PTPRD: variants seen among roughly 807,000 people sequenced by gnomAD.
PTPRD encodes the protein receptor-type tyrosine-protein phosphatase delta.
In PTPRD, 34 loss-of-function variants were observed where a neutral mutation model predicts 214.5. The ratio of observed to expected loss-of-function variants is 0.16; its 90% confidence interval spans 0.12 to 0.21. PTPRD has a LOEUF of 0.21. Among genes scored for constraint, PTPRD ranks in the 10% least tolerant of loss-of-function variants. The pLI, the probability that PTPRD is intolerant of heterozygous loss-of-function variation, is 1.00. For missense variants in PTPRD, 2,545 were observed against 2,398.7 expected, an observed-to-expected ratio of 1.06 and a Z score of -1.27; for synonymous variants, 1,128 against 845.7, an observed-to-expected ratio of 1.33 and a Z score of -5.79.
intron 8 of PTPRD, among the ~76,000 whole-genome samples, chr9:9,481,821 T>C (rs1256710227): frequency 6.6e-6 from 1 of 152,164 alleles, no homozygotes; most frequent in African/African-American, 2.4e-5. Context: ...GCTCCATACC[T>C]GAAACCTGGT....
At chr9:10,385,617 A>G in intron 2 of PTPRD, among the ~76,000 whole-genome samples, 1 of 151,800 alleles carries the variant, frequency 6.6e-6, no homozygotes, top group East Asian at 2.0e-4. Flanking sequence ...CCTGACTTCC[A>G]CTTAACAGCT....
intron 8 of PTPRD, among the ~76,000 whole-genome samples, chr9:9,521,559 C>G (rs912059721): frequency 5.3e-5 from 8 of 152,116 alleles, no homozygotes; most frequent in African/African-American, 1.9e-4. Flanking sequence ...TGCACTTTCT[C>G]TAAAAGCAAG....
At chr9:9,015,796 C>A (rs2099532360) in intron 11 of PTPRD, among the ~76,000 whole-genome samples, 1 of 152,088 alleles carries the variant, frequency 6.6e-6, no homozygotes, top group African/African-American at 2.4e-5. Flanking sequence ...GTTCAATGTA[C>A]ATTTGGATAT....
At chr9:10,316,591 C>G (rs2096439303) in intron 3 of PTPRD, among the ~76,000 whole-genome samples, 1 of 151,934 alleles carries the variant, frequency 6.6e-6, no homozygotes, top group East Asian at 1.9e-4. Context: ...CCAGAAAATT[C>G]ACTATGGTTT....
At chr9:10,518,645 G>T (rs1038197837) in intron 2 of PTPRD, among the ~76,000 whole-genome samples, 1 of 151,592 alleles carries the variant, frequency 6.6e-6, no homozygotes, top group African/African-American at 2.4e-5. Context: ...CCATTCTGCT[G>T]CCTCAGCCTC....
intron 5 of PTPRD, among the ~76,000 whole-genome samples, chr9:9,915,121 GC>G (rs777264792): frequency 4.6e-5 from 7 of 152,150 alleles, no homozygotes; most frequent in Non-Finnish European, 1.0e-4. Context: ...AATGCCTTTA[GC>G]ATGGGTTAGA....
At chr9:9,687,009 T>G (rs2097177388) in intron 7 of PTPRD, among the ~76,000 whole-genome samples, 1 of 151,810 alleles carries the variant, frequency 6.6e-6, no homozygotes, top group Admixed American at 6.6e-5. Flanking sequence ...TGAGCTCATT[T>G]AATACAAGTT....
intron 3 of PTPRD, among the ~76,000 whole-genome samples, chr9:10,094,998 T>C (rs1350028366): frequency 1.3e-5 from 2 of 151,452 alleles, no homozygotes; most frequent in East Asian, 3.9e-4. Context: ...ATTACAATAA[T>C]AATAAACTTC....
intron 2 of PTPRD, among the ~76,000 whole-genome samples, chr9:10,395,356 G>GT (rs1249671821): frequency 2.0e-5 from 3 of 151,152 alleles, no homozygotes; most frequent in African/African-American, 7.3e-5. Context: ...GCGGTGTTTG[G>GT]TTTTTTCTCA....
At chr9:9,055,893 T>C (rs1330589381) in intron 10 of PTPRD, among the ~76,000 whole-genome samples, 1 of 151,684 alleles carries the variant, frequency 6.6e-6, no homozygotes, top group African/African-American at 2.4e-5. Flanking sequence ...CTATGAACAC[T>C]AGTCTGGTAT....
chr9:8,960,524 C>T (rs1180319847), intron 11 of PTPRD, among the ~76,000 whole-genome samples: 8 of 151,996 alleles, frequency 5.3e-5, no homozygotes, highest in African/African-American at 1.9e-4. Flanking sequence ...GTTCAAAGTG[C>T]AGTTGGAAGA....
intron 5 of PTPRD, among the ~76,000 whole-genome samples, chr9:9,808,329 C>A (rs930090238): frequency 6.6e-6 from 1 of 152,162 alleles, no homozygotes; most frequent in African/African-American, 2.4e-5. Flanking sequence ...TTGCCCACCT[C>A]CACCTGAAGC....
intron 12 of PTPRD, among the ~76,000 whole-genome samples, chr9:8,644,518 T>A (rs190580192): frequency 6.6e-6 from 1 of 152,144 alleles, no homozygotes; most frequent in Non-Finnish European, 1.5e-5. Context: ...ACGTTGCAGA[T>A]GAAGAGAAGG....
intron 9 of PTPRD, among the ~76,000 whole-genome samples, chr9:9,306,105 T>C (rs1371500285): frequency 1.3e-5 from 2 of 152,102 alleles, no homozygotes; most frequent in African/African-American, 4.8e-5. Flanking sequence ...AATATGAAGA[T>C]AAGAACCCTA....
intron 10 of PTPRD, among the ~76,000 whole-genome samples, chr9:9,031,820 T>C (rs2099606438): frequency 1.3e-5 from 2 of 151,918 alleles, no homozygotes; most frequent in Non-Finnish European, 2.9e-5. Flanking sequence ...ATAGGATAAA[T>C]GGGACACGGC....
chr9:8,350,849 C>A (rs1386671184), intron 39 of PTPRD, among the ~76,000 whole-genome samples: 2 of 152,066 alleles, frequency 1.3e-5, no homozygotes, highest in Non-Finnish European at 2.9e-5. Flanking sequence ...ATTCAACATA[C>A]ACTATATCCC....
chr9:9,394,985 T>G (rs1427340314), intron 9 of PTPRD, among the ~76,000 whole-genome samples: 1 of 152,106 alleles, frequency 6.6e-6, no homozygotes, highest in Non-Finnish European at 1.5e-5. Context: ...CCATATGATT[T>G]AATTAGAGAA....
At chr9:9,514,826 T>G (rs936540105) in intron 8 of PTPRD, among the ~76,000 whole-genome samples, 1 of 152,026 alleles carries the variant, frequency 6.6e-6, no homozygotes, top group African/African-American at 2.4e-5. Flanking sequence ...CCGTAAAAAA[T>G]AAGCCTACTC....
chr9:8,999,713 C>A (rs1344038440), intron 11 of PTPRD, among the ~76,000 whole-genome samples: 1 of 151,944 alleles, frequency 6.6e-6, no homozygotes, highest in Non-Finnish European at 1.5e-5. Context: ...TCCTTTGTAA[C>A]TGATATTGCT....
Sources: gnomAD v4.1 joint callset for allele counts (sites outside exome capture counted in the v4.1 genomes callset) on GRCh38, gnomAD v4.1.1 for gene constraint, MANE v1.5 for transcripts, NCBI Gene and HGNC (gene_info 2026-07-23, HGNC 2026-07-21) for gene names.